Variants in MIB1 observed in about 807,000 individuals in gnomAD.
MIB1 encodes E3 ubiquitin-protein ligase MIB1.
MIB1 carries 278 observed loss-of-function variants against 124.5 expected under a neutral mutation model. That is an observed-to-expected ratio of 2.23 (90% CI 2.02 to 2.47). The LOEUF is 2.47. Ranked by LOEUF, MIB1 falls within the 30% of genes most tolerant of loss-of-function variation. MIB1 has a pLI of 0.00. For missense variants in MIB1, 957 were observed against 1,254.4 expected, an observed-to-expected ratio of 0.76 and a Z score of 3.58; for synonymous variants, 446 against 429.4, an observed-to-expected ratio of 1.04 and a Z score of -0.48.
At position 21,779,357 on chromosome 18, in the gene MIB1, C is replaced by G. The variant is rs998475426; in HGVS notation, c.704-124C>G. The G allele has an allele frequency of 6.7e-6, 5 of 748,842 alleles. No homozygotes were observed. The African/African-American group carries it at 7.0e-5, about 11-fold the overall frequency. The allele number at this position is 748,842 out of a possible 1,614,324, so 46.4% of individuals were successfully genotyped here. ...AAATTTTATACTTATAGGGAATTCT[C>G]AAGACCTTTTAAAACTAGATGGTAC... On this transcript the variant is annotated intron_variant, in intron 5 of 20. Coordinates refer to ENST00000261537, the MANE Select transcript of MIB1 (RefSeq NM_020774.4).
At chr18:21,773,047 C>T in intron 3 of MIB1, among the ~76,000 whole-genome samples, 1 of 152,218 alleles carries the variant, frequency 6.6e-6, no homozygotes, top group Admixed American at 6.5e-5. Context: ...GGGCAGATCA[C>T]CTGAGGTCAG....
chr18:21,782,213 T>A (rs1054238897), intron 6 of MIB1, among the ~76,000 whole-genome samples: 8 of 152,064 alleles, frequency 5.3e-5, no homozygotes, highest in African/African-American at 1.9e-4. Flanking sequence ...ACCTCTGCCT[T>A]CTGGGTTCAA....
chr18:21,719,248 A>G (rs1391484298), intron 1 of MIB1, among the ~76,000 whole-genome samples: 1 of 151,576 alleles, frequency 6.6e-6, no homozygotes, highest in Non-Finnish European at 1.5e-5. Context: ...AGGTGGGAGG[A>G]TTGCTTGAGC....
chr18:21,797,079 G>A (rs1312515243), intron 7 of MIB1, among the ~76,000 whole-genome samples: 1 of 152,170 alleles, frequency 6.6e-6, no homozygotes, highest in Non-Finnish European at 1.5e-5. Flanking sequence ...GTAATTGGAA[G>A]TTTGAACACT....
chr18:21,791,570 A>G lies in MIB1; in HGVS notation c.1092+13A>G. 1.3e-6 allele frequency: 2 copies of G among 1,594,924 alleles called. No individual in the cohort carries two copies. The highest frequency in any genetic ancestry group is 2.2e-5 in the South Asian group (2 of 89,106). ...AGCGATGCTTCCAGTAAGTATGTTT[A>G]GAATAATTCTGGGCTAGAAATTACA... On this transcript the variant is annotated intron_variant, in intron 7 of 20. Transcript: ENST00000261537.
chr18:21,785,115 T>C (rs1467408188), intron 6 of MIB1, among the ~76,000 whole-genome samples: 4 of 152,164 alleles, frequency 2.6e-5, no homozygotes, highest in African/African-American at 4.8e-5. Flanking sequence ...GCTACCAAAA[T>C]AGGGAAGGGC....
At chr18:21,834,157 C>A (rs1015524770) in intron 12 of MIB1, among the ~76,000 whole-genome samples, 2 of 152,148 alleles carry the variant, frequency 1.3e-5, no homozygotes, top group Admixed American at 1.3e-4. Flanking sequence ...GATTGCCTGC[C>A]TCATGGAAAG....
intron 2 of MIB1, among the ~76,000 whole-genome samples, chr18:21,768,224 G>C (rs943438311): frequency 6.6e-6 from 1 of 152,168 alleles, no homozygotes; most frequent in Admixed American, 6.5e-5. Context: ...GAAATGCTTA[G>C]ACTAGGATCA....
rs1429664488 is a variant in MIB1 at position 21,768,752 on chromosome 18, G to T, written c.531G>T (p.Lys177Asn). The change falls in exon 3 of 21, where the codon AAG becomes AAT. Residue 177 changes from lysine to asparagine, a missense_variant and splice_region_variant. Transcript: ENST00000261537. ...ATGGAGGAAATGGACGTAGGGGAAA[G>T]GTACAGTGTTTCTCTGAATTCATTA... ...DQDGGNGRRGKVTEIQDWSAS... is the reference protein window; with the variant it reads ...DQDGGNGRRGNVTEIQDWSAS... 8 of 1,608,370 alleles carry T rather than the reference G, an allele frequency of 5.0e-6. No homozygotes were observed. Among genetic ancestry groups the T allele is most frequent in the African/African-American group, 2.7e-5 (2 of 74,870 alleles).
At chr18:21,805,140 G>C (rs977230480) in intron 10 of MIB1, among the ~76,000 whole-genome samples, 2 of 151,892 alleles carry the variant, frequency 1.3e-5, no homozygotes, top group African/African-American at 4.8e-5. Flanking sequence ...AGCCTCCCCA[G>C]TAGCTGCGAT....
intron 12 of MIB1, chr18:21,827,595 A>G (rs931222463): frequency 1.3e-5 from 2 of 152,100 alleles, no homozygotes; most frequent in Non-Finnish European, 2.9e-5. Context: ...CAAATAGAAC[A>G]TGAATCATTG....
At chr18:21,730,826 A>G (rs1386168846) in intron 1 of MIB1, among the ~76,000 whole-genome samples, 2 of 152,188 alleles carry the variant, frequency 1.3e-5, no homozygotes, top group Admixed American at 1.3e-4. Context: ...TTCAAACTCT[A>G]ATAGCTTCTC....
At chr18:21,775,980 T>C (rs1457549890) in intron 4 of MIB1, among the ~76,000 whole-genome samples, 1 of 152,014 alleles carries the variant, frequency 6.6e-6, no homozygotes, top group Non-Finnish European at 1.5e-5. Flanking sequence ...TTAAAACAAT[T>C]TGACAGCTGG....
chr18:21,704,986 G>C, exon 1 of MIB1: 1 of 213,296 alleles, frequency 4.7e-6, no homozygotes, highest in East Asian at 1.0e-4. Context: ...GTCGCAGTGG[G>C]CGATGGGGAT....
intron 1 of MIB1, among the ~76,000 whole-genome samples, chr18:21,756,571 C>G (rs1368268504): frequency 2.6e-5 from 4 of 151,952 alleles, no homozygotes; most frequent in Admixed American, 6.6e-5. Context: ...TTCAAGTGAT[C>G]CACCTGTCTC....
intron 12 of MIB1, among the ~76,000 whole-genome samples, chr18:21,837,897 A>G (rs1225686001): frequency 6.6e-6 from 1 of 152,166 alleles, no homozygotes; most frequent in African/African-American, 2.4e-5. Flanking sequence ...CTACTTCTAA[A>G]AATTATTATC....
At chr18:21,716,741 A>T (rs765250238) in intron 1 of MIB1, among the ~76,000 whole-genome samples, 2 of 152,178 alleles carry the variant, frequency 1.3e-5, no homozygotes, top group Non-Finnish European at 2.9e-5. Flanking sequence ...AGTCCCAGCC[A>T]CGCAGGAGGC....
At chr18:21,771,677 A>G (rs2041225284) in intron 3 of MIB1, among the ~76,000 whole-genome samples, 1 of 151,550 alleles carries the variant, frequency 6.6e-6, no homozygotes, top group South Asian at 2.1e-4. Context: ...TACTGGTTCT[A>G]TTTTTTTTCT....
intron 11 of MIB1, among the ~76,000 whole-genome samples, chr18:21,818,625 G>A (rs1455920147): frequency 6.6e-6 from 1 of 152,044 alleles, no homozygotes; most frequent in Non-Finnish European, 1.5e-5. Flanking sequence ...GCAACATACT[G>A]AGACCCCCAT....
Sources: allele counts gnomAD v4.1 joint callset (sites outside exome capture counted in the v4.1 genomes callset), GRCh38; gene constraint gnomAD v4.1.1; transcripts MANE v1.5; gene names NCBI Gene and HGNC (gene_info 2026-07-23, HGNC 2026-07-21).